The following COPE variants were observed in gnomAD, a reference collection of about 807,000 sequenced individuals.
COPE encodes coatomer subunit epsilon.
Under a neutral mutation model 42.1 loss-of-function variants are expected in COPE, and 19 were observed. The observed-to-expected ratio is 0.45, with a 90% CI of 0.31 to 0.66. COPE has a LOEUF of 0.66. COPE is among the 30% of genes least tolerant of loss of function. The probability of loss-of-function intolerance (pLI) is 0.05; values close to 1 mark genes in which losing one functional copy is unlikely to be tolerated. For missense variants in COPE, 402 were observed against 416.1 expected (o/e 0.97, Z 0.30); for synonymous variants, 195 against 181.3 (o/e 1.08, Z -0.60).
chr19:18,906,196 T>A lies in COPE; in HGVS notation c.444-567A>T, dbSNP rs28635727. The A allele has an allele frequency of 7.9e-3, 2,913 of 368,628 alleles. 79 individuals are homozygous for A. The highest frequency in any genetic ancestry group is 0.054 in the African/African-American group (2,610 of 48,172). 22.8% of individuals were successfully genotyped at this position (368,628 alleles called of 1,614,324 possible). A position where few individuals can be genotyped will look rare whatever the true frequency, so the allele number is the denominator to read the frequency against. ...CAGTGTGACATCCCTATTTATTTTC[T>A]TTTTTGTGTGTGAGTCAGGGTCTGG... On this transcript the variant is annotated intron_variant, in intron 4 of 9. Coordinates refer to ENST00000262812, the MANE Select transcript of COPE (RefSeq NM_007263.4).
chr19:18,914,206 G>A (rs2056834674), intron 1 of COPE, among the ~76,000 whole-genome samples: 1 of 152,200 alleles, frequency 6.6e-6, no homozygotes, highest in South Asian at 2.1e-4. Context: ...CTGCAAATGG[G>A]ATGGACAGGT....
In COPE at chr19:18,905,603, A is replaced by G; in HGVS notation, c.470T>C (p.Leu157Pro). 1 of 1,593,722 alleles carries G rather than the reference A, an allele frequency of 6.3e-7. No individual in the cohort carries two copies. The highest frequency in any genetic ancestry group is 2.2e-5 in the East Asian group (1 of 44,526). ...GGCGAGGTCCAGGCGGTCCAGCTTC[A>G]GCAGGATCTGCACTGTCATGGCTGT... ...ECTAMTVQIL[L>P]KLDRLDLARK... Residue 157 changes from leucine (L) to proline (P), a missense_variant, in exon 5 of 10, where the codon CTG becomes CCG. By Grantham distance (98) the Leu-to-Pro change is moderately conservative. Transcript: ENST00000262812.
At chr19:18,905,818 G>A (rs1334695129) in intron 4 of COPE, 189 bp from the exon 5 acceptor site, 4 of 584,340 alleles carry the variant, frequency 6.8e-6, no homozygotes, top group Non-Finnish European at 1.2e-5. Context: ...AGGCCCAGGA[G>A]CTCTGGGGGA....
In COPE at chr19:18,911,034, G is replaced by C. The variant is rs1431953409; in HGVS notation, c.227C>G (p.Ser76Cys). The change falls in exon 3 of 10, where the codon TCC (serine) becomes TGC (cysteine). Residue 76 changes from serine (S) to cysteine (C), a missense_variant. By Grantham distance (112) the Ser-to-Cys change is moderately radical. Transcript: ENST00000262812. ...CACGGCCTGGAGCTCAGGGGCCGAG[G>C]AGGGCTTGATCTCATCCAGGACCAC... ...FGVVLDEIKP[S>C]SAPELQAVRM... is the part of the protein sequence containing the mutation. 1 of 1,613,994 alleles carries C rather than the reference G, an allele frequency of 6.2e-7. No homozygotes were observed. Among genetic ancestry groups the C allele is most frequent in the Non-Finnish European group, 8.5e-7 (1 of 1,180,004 alleles).
At chr19:18,902,943 G>A (rs1041150054) in intron 7 of COPE, among the ~76,000 whole-genome samples, 5 of 151,702 alleles carry the variant, frequency 3.3e-5, no homozygotes, top group Non-Finnish European at 4.4e-5. Flanking sequence ...TACGGGGAGT[G>A]TCTCTCCAAT....
intron 1 of COPE, among the ~76,000 whole-genome samples, chr19:18,917,846 A>G (rs2056868585): frequency 1.3e-5 from 2 of 152,130 alleles, no homozygotes; most frequent in South Asian, 4.1e-4. Flanking sequence ...CAGGTGCACT[A>G]AAATAGGCAA....
chr19:18,914,984 C>T (rs1284225456), intron 1 of COPE, among the ~76,000 whole-genome samples: 3 of 151,966 alleles, frequency 2.0e-5, no homozygotes, highest in Non-Finnish European at 4.4e-5. Flanking sequence ...CCTCGGCCTC[C>T]CAAAGTGCTG....
In COPE at chr19:18,899,736, GACACATGGCA is replaced by G; in HGVS notation, c.880-20_880-11del. Reference sequence around the variant, plus strand: ...TGTCAAAGTCGTTCTCCTTTAGCAAGACACATGGCAACACAGGGTGGGGGCAGGGTGTGGG... The same window carrying G: ...TGTCAAAGTCGTTCTCCTTTAGCAAGACACAGGGTGGGGGCAGGGTGTGGG... On this transcript the variant is annotated splice_polypyrimidine_tract_variant and intron_variant, in intron 9 of 9. Coordinates refer to ENST00000262812, the MANE Select transcript of COPE (RefSeq NM_007263.4). 1.2e-6 allele frequency: 2 copies of G among 1,613,794 alleles called. No individual in the cohort carries two copies. The highest frequency in any genetic ancestry group is 2.7e-5 in the African/African-American group (2 of 75,056).
Position 18,919,380 on chromosome 19 carries a change from A to C in COPE, c.-32T>G. The C allele has an allele frequency of 6.2e-7, 1 of 1,607,106 alleles. No homozygotes were observed. Among genetic ancestry groups the C allele is most frequent in the Non-Finnish European group, 8.5e-7 (1 of 1,176,924 alleles). On this transcript the variant is annotated 5_prime_UTR_variant, in exon 1 of 10. Coordinates refer to ENST00000262812, the MANE Select transcript of COPE (RefSeq NM_007263.4). ...GTCTTCTCACCAGCTCCTCTTCCTG[A>C]AAGACACGTCAGCCGGAAGCAAGAC... is the stretch of plus-strand genomic sequence containing the variant.
At chr19:18,907,836 G>A (rs1039887029) in intron 3 of COPE, among the ~76,000 whole-genome samples, 3 of 152,198 alleles carry the variant, frequency 2.0e-5, no homozygotes, top group African/African-American at 4.8e-5. Flanking sequence ...GCATCCACGC[G>A]CATCTGGGGG....
intron 2 of COPE, 62 bp from the exon 3 acceptor site, chr19:18,911,133 C>T (rs1349273626): frequency 3.3e-6 from 5 of 1,492,706 alleles, no homozygotes; most frequent in Middle Eastern, 1.7e-4. Context: ...ATGTCTTCAG[C>T]TTGGCAGGGA....
At chr19:18,913,167 G>A in intron 1 of COPE, 121 bp from the exon 2 acceptor site, 1 of 843,506 alleles carries the variant, frequency 1.2e-6, no homozygotes, top group Non-Finnish European at 1.9e-6. Flanking sequence ...CAGGGTTGGA[G>A]GTCTGAGTCC....
chr19:18,910,712 C>T (rs973941367), intron 3 of COPE: 1 of 544,528 alleles, frequency 1.8e-6, no homozygotes, highest in Non-Finnish European at 3.3e-6. Flanking sequence ...TCAGAGAGTG[C>T]CTTGTGGTCC....
In COPE at chr19:18,899,728, T is replaced by G; in HGVS notation, c.880-2A>C. 1 of 1,613,698 alleles carries G rather than the reference T, an allele frequency of 6.2e-7. No homozygotes were observed. Among genetic ancestry groups the G allele is most frequent in the Non-Finnish European group, 8.5e-7 (1 of 1,179,952 alleles). On this transcript the variant is annotated splice_acceptor_variant, in intron 9 of 9. Transcript: ENST00000262812. LOFTEE classifies it high-confidence loss of function. ...CACCAGCCTGTCAAAGTCGTTCTCCTTTAGCAAGACACATGGCAACACAGG... is the reference window on the plus strand; with the variant it reads ...CACCAGCCTGTCAAAGTCGTTCTCCGTTAGCAAGACACATGGCAACACAGG...
intron 3 of COPE, among the ~76,000 whole-genome samples, chr19:18,910,365 C>T (rs778533962): frequency 6.6e-6 from 1 of 152,152 alleles, no homozygotes; most frequent in African/African-American, 2.4e-5. Context: ...GTGGGCAGAC[C>T]GCCTGAGCTC....
At position 18,900,411 on chromosome 19, in the gene COPE, G is replaced by A. The variant is rs1568313093; in HGVS notation, c.774C>T (p.Val258=). ...GYPETLVNLI[V]LSQHLGKPPE... ...GGGGCTTGCCCAGGTGCTGGGACAG[G>A]ACGATGAGGTTGACCAGCGTCTCTG... The change falls in exon 8 of 10, where the codon GTC becomes GTT. Residue 258 remains valine, a synonymous_variant. Transcript: ENST00000262812. 1.3e-6 allele frequency: 2 copies of A among 1,549,526 alleles called. No individual in the cohort carries two copies. The highest frequency in any genetic ancestry group is 1.7e-6 in the Non-Finnish European group (2 of 1,146,194).
In COPE at chr19:18,900,377, T is replaced by C. The variant is rs1290962553; in HGVS notation, c.804+4A>G. 2.6e-5 allele frequency: 40 copies of C among 1,546,560 alleles called. No homozygotes were observed. Among genetic ancestry groups the C allele is most frequent in the Non-Finnish European group, 3.4e-5 (39 of 1,144,310 alleles). On this transcript the variant is annotated splice_donor_region_variant and intron_variant, in intron 8 of 9. Transcript: ENST00000262812. ...GTTGGCCTGGAGCCCTGGGGGCCGC[T>C]TACCTCAGGGGGCTTGCCCAGGTGC...
intron 3 of COPE, among the ~76,000 whole-genome samples, chr19:18,907,488 C>T (rs994271513): frequency 3.3e-5 from 5 of 152,186 alleles, no homozygotes; most frequent in African/African-American, 2.4e-5. Flanking sequence ...AGCAGGAGGT[C>T]GGCCTGGGTG....
rs368396421 is a variant in COPE, at chr19:18,912,979, C to A, written c.189+5G>T. 6.2e-7 allele frequency: 1 copy of A among 1,611,738 alleles called. No homozygotes were observed. The highest frequency in any genetic ancestry group is 1.1e-5 in the South Asian group (1 of 91,084). ...CTCTTGCCCCCGGCCAAGGCCCGCA[C>A]TCACCTGCGCCAGGTACGCTCTATA... On this transcript the variant is annotated splice_donor_5th_base_variant and intron_variant, in intron 2 of 9. Transcript: ENST00000262812.
Sources: gnomAD v4.1 joint callset for allele counts (sites outside exome capture counted in the v4.1 genomes callset) on GRCh38, gnomAD v4.1.1 for gene constraint, MANE v1.5 for transcripts, NCBI Gene and HGNC (gene_info 2026-07-23, HGNC 2026-07-21) for gene names.